Variants in PMM1 observed in about 807,000 individuals in gnomAD.
The protein encoded by PMM1 is phosphomannomutase 1.
Under a neutral mutation model 34.0 loss-of-function variants are expected in PMM1, and 25 were observed. That is an observed-to-expected ratio of 0.73 (90% confidence interval 0.54 to 1.03). PMM1 has a LOEUF of 1.03. PMM1 is among the 50% of genes least tolerant of loss of function. The pLI is 0.00. For missense variants in PMM1, 321 were observed against 350.1 expected (o/e 0.92, Z 0.66); for synonymous variants, 134 against 143.9 (o/e 0.93, Z 0.49).
rs2067180885 is a variant in PMM1, at chr22:41,576,978, A to G, written c.*340T>C. ...CCCACCGTACCTCATCGCCCAGGGC[A>G]GGCAGGCAGGGCAGGCTAGATCTCG... is the stretch of plus-strand genomic sequence containing the variant. On this transcript the variant is annotated 3_prime_UTR_variant, in exon 8 of 8. Transcript: ENST00000216259. 3 of 386,898 alleles carry G rather than the reference A, an allele frequency of 7.8e-6. No individual in the cohort carries two copies. The highest frequency in any genetic ancestry group is 1.5e-5 in the Non-Finnish European group (3 of 204,168). The allele number at this position is 386,898 out of a possible 1,614,324, so 24.0% of individuals were successfully genotyped here. A position where few individuals can be genotyped will look rare whatever the true frequency, so the allele number is the denominator to read the frequency against.
At chr22:41,587,458 AAAG>A (rs1350330636) in intron 1 of PMM1, among the ~76,000 whole-genome samples, 1 of 151,202 alleles carries the variant, frequency 6.6e-6, no homozygotes, top group African/African-American at 2.4e-5. Context: ...AAAAAAAAAA[AAAG>A]ATATTAGCCA....
At chr22:41,581,124 A>C (rs112442147) in intron 5 of PMM1, among the ~76,000 whole-genome samples, 2,671 of 150,456 alleles carry the variant, frequency 0.018, 94 homozygotes, top group African/African-American at 0.061. Context: ...AAAAAAAAAA[A>C]AAAAAAAAAA....
At chr22:41,588,154 G>A (rs2067333229) in intron 1 of PMM1, among the ~76,000 whole-genome samples, 1 of 152,166 alleles carries the variant, frequency 6.6e-6, no homozygotes, top group Non-Finnish European at 1.5e-5. Context: ...GGGTTCAATC[G>A]ATTCTCCTGC....
intron 5 of PMM1, chr22:41,579,659 G>A (rs964685109): frequency 6.6e-6 from 1 of 152,636 alleles, no homozygotes; most frequent in Admixed American, 6.5e-5. Context: ...GCACAGGAGT[G>A]GGGTGGCTGG....
intron 4 of PMM1, 30 bp downstream of exon 4, chr22:41,584,251 G>T: frequency 6.3e-7 from 1 of 1,597,442 alleles, no homozygotes; most frequent in Non-Finnish European, 8.6e-7. Flanking sequence ...CAGGCCCCAG[G>T]TTCTGGAGAC....
Position 41,584,007 on chromosome 22 carries a change from G to A in PMM1, c.426C>T (p.Gly142=). 1.2e-6 allele frequency: 2 copies of A among 1,614,028 alleles called. No homozygotes were observed. The highest frequency in any genetic ancestry group is 1.7e-6 in the Non-Finnish European group (2 of 1,179,892). The part of the protein sequence containing the change: ...RNGMLNISPI[G]RSCTLEERIE... ...TCCTCTCCTCCAGGGTGCAGCTCCG[G>A]CCGATGGGCGAGATGTTCAGCATGC... The change falls in exon 5 of 8, where the codon GGC becomes GGT. Residue 142 remains glycine, a synonymous_variant. Transcript: ENST00000216259.
rs2067207532 is a variant in PMM1 at position 41,578,841 on chromosome 22, G to C, written c.515C>G (p.Thr172Arg). 1.2e-6 allele frequency: 2 copies of C among 1,613,948 alleles called. No individual in the cohort carries two copies. Among genetic ancestry groups the C allele is most frequent in the African/African-American group, 2.7e-5 (2 of 74,908 alleles). ...CCTCAGCCCTTTGCCAGCAAACTCT[G>C]TTTTCAGGGCTTCCACGAACTTCTC... ...IREKFVEALKTEFAGKGLRFS... is the reference protein window; with the variant it reads ...IREKFVEALKREFAGKGLRFS... Residue 172 changes from threonine (T) to arginine (R), a missense_variant, in exon 6 of 8, where the codon ACA becomes AGA. Transcript: ENST00000216259.
chr22:41,577,940 G>A lies in PMM1; in HGVS notation c.551-17C>T, dbSNP rs1215056493. The stretch of plus-strand genomic sequence containing the variant: ...TCATGCCTCCTGTGGGCAGGGGTGG[G>A]GACTGTTATTCCCTGCTGGGAGGGG... On this transcript the variant is annotated splice_polypyrimidine_tract_variant and intron_variant, in intron 6 of 7. Coordinates refer to ENST00000216259, the MANE Select transcript of PMM1 (RefSeq NM_002676.3). The A allele has an allele frequency of 6.3e-7, 1 of 1,576,002 alleles. No individual in the cohort carries two copies. Among genetic ancestry groups the A allele is most frequent in the African/African-American group, 1.3e-5 (1 of 74,346 alleles).
intron 6 of PMM1, 29 bp from the exon 7 acceptor site, chr22:41,577,952 CCTG>C (rs1331422600): frequency 4.5e-6 from 7 of 1,539,324 alleles, no homozygotes; most frequent in Non-Finnish European, 6.3e-6. Context: ...ACTGTTATTC[CCTG>C]CTGGGAGGGG....
intron 1 of PMM1, among the ~76,000 whole-genome samples, chr22:41,586,870 C>A (rs958247640): frequency 7.5e-5 from 11 of 146,938 alleles, no homozygotes; most frequent in African/African-American, 2.5e-4. Context: ...GTAATCCCAG[C>A]ACTTTGGGAG....
chr22:41,589,711 G>T lies in PMM1; in HGVS notation c.87+8C>A, dbSNP rs1381965136. ...CCCGGTGGGAGCTTCCAATCTTCAGGGTCCTACCTGGCGAGCCGGCGTGAG... is the reference window on the plus strand; with the variant it reads ...CCCGGTGGGAGCTTCCAATCTTCAGTGTCCTACCTGGCGAGCCGGCGTGAG... On this transcript the variant is annotated splice_region_variant and intron_variant, in intron 1 of 7. Coordinates refer to ENST00000216259, the MANE Select transcript of PMM1 (RefSeq NM_002676.3). 6.2e-7 allele frequency: 1 copy of T among 1,608,312 alleles called. No individual in the cohort carries two copies. The highest frequency in any genetic ancestry group is 1.1e-5 in the South Asian group (1 of 90,110).
Position 41,589,716 on chromosome 22 carries a change from T to C in PMM1, c.87+3A>G. 2 of 1,609,760 alleles carry C rather than the reference T, an allele frequency of 1.2e-6. No homozygotes were observed. The highest frequency in any genetic ancestry group is 1.1e-5 in the South Asian group (1 of 90,258). On this transcript the variant is annotated splice_donor_region_variant and intron_variant, in intron 1 of 7. Coordinates refer to ENST00000216259, the MANE Select transcript of PMM1 (RefSeq NM_002676.3). ...TGGGAGCTTCCAATCTTCAGGGTCC[T>C]ACCTGGCGAGCCGGCGTGAGGGTCC...
chr22:41,583,103 T>G (rs531290392), intron 5 of PMM1, among the ~76,000 whole-genome samples: 1 of 150,532 alleles, frequency 6.6e-6, no homozygotes, highest in South Asian at 2.1e-4. Flanking sequence ...GGCTAGGACA[T>G]CATCCAGTTG....
At chr22:41,577,953 C>T (rs370482745) in intron 6 of PMM1, 30 bp from the exon 7 acceptor site, 504 of 1,528,736 alleles carry the variant, frequency 3.3e-4, no homozygotes, top group South Asian at 7.7e-4. Context: ...CTGTTATTCC[C>T]TGCTGGGAGG....
rs574955568 is a variant in PMM1, at chr22:41,589,076, C to G, written c.87+643G>C. ...CCCTCACTATTCCTCAGTGTCCTCA[C>G]AGCAAACAGGCTAGGCCTGGAGCCT... On this transcript the variant is annotated intron_variant, in intron 1 of 7. Transcript: ENST00000216259. 2.3e-6 allele frequency: 3 copies of G among 1,303,650 alleles called. No homozygotes were observed. In the African/African-American group the frequency reaches 4.6e-5, roughly 20 times the overall value. 80.8% of individuals were successfully genotyped at this position (1,303,650 alleles called of 1,614,324 possible).
intron 7 of PMM1, 53 bp from the exon 8 acceptor site, chr22:41,577,493 C>A (rs1426576301): frequency 3.2e-6 from 5 of 1,565,496 alleles, no homozygotes; most frequent in Non-Finnish European, 4.3e-6. Context: ...TCCCTCTCCA[C>A]ATTGGCTGCT....
chr22:41,578,893 A>G lies in PMM1; in HGVS notation c.475-12T>C, dbSNP rs1486112621. The G allele has an allele frequency of 6.2e-7, 1 of 1,612,732 alleles. No homozygotes were observed. The highest frequency in any genetic ancestry group is 1.7e-5 in the Admixed American group (1 of 59,958). ...CGGATCTTCTCTTTCTGCAGAGGGGAGGGAGCGGATGGCAGCTCAGAGGAC... is the reference window on the plus strand; with the variant it reads ...CGGATCTTCTCTTTCTGCAGAGGGGGGGGAGCGGATGGCAGCTCAGAGGAC... On this transcript the variant is annotated splice_polypyrimidine_tract_variant and intron_variant, in intron 5 of 7. Coordinates refer to ENST00000216259, the MANE Select transcript of PMM1 (RefSeq NM_002676.3).
At chr22:41,577,619 G>T in intron 7 of PMM1, 179 bp from the exon 8 acceptor site, 1 of 847,036 alleles carries the variant, frequency 1.2e-6, no homozygotes, top group Non-Finnish European at 1.8e-6. Context: ...AGCCTCTTGG[G>T]GCCCCAGCTT....
rs986796338 is a variant in PMM1 at position 41,589,033 on chromosome 22, A to T, written c.87+686T>A. On this transcript the variant is annotated intron_variant, in intron 1 of 7. Coordinates refer to ENST00000216259, the MANE Select transcript of PMM1 (RefSeq NM_002676.3). The stretch of plus-strand genomic sequence containing the variant: ...GGCTCAACACAGCGAGAGTCTTTAG[A>T]AGAAAACTAGACTCTTACCCTCACT... 3.2e-6 allele frequency: 4 copies of T among 1,259,542 alleles called. No homozygotes were observed. In the African/African-American group the frequency reaches 4.6e-5, roughly 15 times the overall value. The allele number at this position is 1,259,542 out of a possible 1,614,324, so 78.0% of individuals were successfully genotyped here.
Sources: gnomAD v4.1 joint callset for allele counts (sites outside exome capture counted in the v4.1 genomes callset) on GRCh38, gnomAD v4.1.1 for gene constraint, MANE v1.5 for transcripts, NCBI Gene and HGNC (gene_info 2026-07-23, HGNC 2026-07-21) for gene names.